RBFOX1: variants seen among roughly 807,000 people sequenced by gnomAD.
RBFOX1 encodes the protein RNA binding protein fox-1 homolog 1.
Under a neutral mutation model 57.7 loss-of-function variants are expected in RBFOX1, and 8 were observed. The ratio of observed to expected loss-of-function variants is 0.14; its 90% CI spans 0.08 to 0.25. The LOEUF (loss-of-function observed/expected upper bound fraction) is 0.25. Among genes scored for constraint, RBFOX1 ranks in the 10% least tolerant of loss-of-function variants. RBFOX1 has a pLI of 1.00. For synonymous variants in RBFOX1, 326 were observed against 222.4 expected (o/e 1.47, Z -4.15); for missense variants, 611 against 548.5 (o/e 1.11, Z -1.14).
intron 2 of RBFOX1, among the ~76,000 whole-genome samples, chr16:5,585,365 T>C (rs1239533024): frequency 1.3e-5 from 2 of 152,194 alleles, no homozygotes; most frequent in Non-Finnish European, 2.9e-5. Context: ...CTGAATAATA[T>C]TCTGTTGTAT....
At chr16:7,695,741 CATTT>C (rs570757693) in intron 14 of RBFOX1, among the ~76,000 whole-genome samples, 230 of 149,612 alleles carry the variant, frequency 1.5e-3, no homozygotes, top group African/African-American at 4.8e-3. Context: ...CTTATAAAAA[CATTT>C]ATTAGAGCAG....
At chr16:7,374,374 A>G (rs1428575963) in intron 4 of RBFOX1, among the ~76,000 whole-genome samples, 3 of 152,244 alleles carry the variant, frequency 2.0e-5, no homozygotes, top group Non-Finnish European at 4.4e-5. Flanking sequence ...TCCCTACAGC[A>G]TTCCCCTCAA....
intron 3 of RBFOX1, among the ~76,000 whole-genome samples, chr16:6,668,670 T>G (rs536798814): frequency 6.6e-6 from 1 of 152,336 alleles, no homozygotes; most frequent in South Asian, 2.1e-4. Context: ...TTTTGATGCC[T>G]TAATTTTAAA....
intron 1 of RBFOX1, among the ~76,000 whole-genome samples, chr16:6,188,696 G>A (rs1249863451): frequency 6.6e-6 from 1 of 152,098 alleles, no homozygotes; most frequent in Non-Finnish European, 1.5e-5. Context: ...GAAGTAATGA[G>A]ACTACACTGA....
chr16:6,697,360 G>T (rs75711713), intron 3 of RBFOX1, among the ~76,000 whole-genome samples: 1,738 of 152,212 alleles, frequency 0.011, 49 homozygotes, highest in East Asian at 0.079. Flanking sequence ...ACCAGCCAGG[G>T]ATCCTTTGGG....
chr16:5,517,173 G>A (rs2043823561), intron 2 of RBFOX1, among the ~76,000 whole-genome samples: 1 of 152,112 alleles, frequency 6.6e-6, no homozygotes, highest in African/African-American at 2.4e-5. Context: ...AACTCCATTA[G>A]GCTAGCTCAA....
intron 1 of RBFOX1, among the ~76,000 whole-genome samples, chr16:5,450,282 T>C (rs141754984): frequency 1.2e-4 from 19 of 152,272 alleles, no homozygotes; most frequent in African/African-American, 3.6e-4. Flanking sequence ...AGGGGGCAAG[T>C]CTGAGGCTCT....
At chr16:7,404,648 G>A (rs1268994978) in intron 4 of RBFOX1, among the ~76,000 whole-genome samples, 1 of 152,182 alleles carries the variant, frequency 6.6e-6, no homozygotes, top group Non-Finnish European at 1.5e-5. Flanking sequence ...ATGCTGTGCT[G>A]CCAGCGTTGG....
rs191750746 is a variant in RBFOX1, at chr16:7,239,936, C to A, written c.27+187838C>A. Among the ~76,000 whole-genome samples, 501 of 152,232 alleles carry A rather than the reference C, an allele frequency of 3.3e-3. 4 individuals carry two copies. Among genetic ancestry groups the A allele is most frequent in the African/African-American group, 0.011 (476 of 41,548 alleles). On this transcript the variant is annotated intron_variant, in intron 4 of 15. Coordinates refer to ENST00000550418, the MANE Select transcript of RBFOX1 (RefSeq NM_018723.4). Reference sequence around the variant, plus strand: ...TTAGTATTTCAATTGTAATCAAATTCCAAAACTTCCTACCTGTTGAAACTA... The same window carrying A: ...TTAGTATTTCAATTGTAATCAAATTACAAAACTTCCTACCTGTTGAAACTA...
chr16:5,537,620 G>T (rs1027506686), intron 2 of RBFOX1, among the ~76,000 whole-genome samples: 1 of 152,140 alleles, frequency 6.6e-6, no homozygotes, highest in African/African-American at 2.4e-5. Context: ...ACTGAAGGTT[G>T]TTCCCAGCCT....
chr16:6,267,696 C>T (rs1427545133), intron 1 of RBFOX1, among the ~76,000 whole-genome samples: 2 of 152,130 alleles, frequency 1.3e-5, no homozygotes, highest in Admixed American at 6.5e-5. Context: ...ACAATCAAAA[C>T]TTCTGTTTTT....
chr16:5,320,924 G>C (rs771426803), intron 1 of RBFOX1, among the ~76,000 whole-genome samples: 11 of 152,160 alleles, frequency 7.2e-5, no homozygotes, highest in Non-Finnish European at 1.6e-4. Context: ...CCTGCCTCTG[G>C]CTGACCCTGG....
chr16:5,484,079 G>A (rs901874960), intron 2 of RBFOX1, among the ~76,000 whole-genome samples: 3 of 152,254 alleles, frequency 2.0e-5, no homozygotes, highest in Admixed American at 6.5e-5. Context: ...GCTGAGGTTG[G>A]AGGATTGCTT....
chr16:6,551,153 T>A (rs903921236), intron 2 of RBFOX1, among the ~76,000 whole-genome samples: 11 of 149,292 alleles, frequency 7.4e-5, no homozygotes, highest in African/African-American at 2.4e-4. Context: ...GCAAAGGGCT[T>A]CCCTGTATGT....
At chr16:7,161,962 A>C (rs767130529) in intron 4 of RBFOX1, among the ~76,000 whole-genome samples, 39 of 152,318 alleles carry the variant, frequency 2.6e-4, no homozygotes, top group Admixed American at 8.5e-4. Context: ...CCAGGCAATG[A>C]ACCACTAAAA....
At chr16:7,516,135 A>C (rs745457354) in intron 4 of RBFOX1, among the ~76,000 whole-genome samples, 1 of 152,142 alleles carries the variant, frequency 6.6e-6, no homozygotes, top group Non-Finnish European at 1.5e-5. Context: ...ATGAGGCAAC[A>C]TGCCCACCCT....
At chr16:5,499,517 C>T (rs976026475) in intron 2 of RBFOX1, among the ~76,000 whole-genome samples, 2 of 152,140 alleles carry the variant, frequency 1.3e-5, no homozygotes, top group Non-Finnish European at 2.9e-5. Flanking sequence ...ACCAAATCCA[C>T]ACCATTATAA....
At chr16:7,600,460 C>A (rs986972320) in intron 9 of RBFOX1, among the ~76,000 whole-genome samples, 5 of 152,030 alleles carry the variant, frequency 3.3e-5, no homozygotes, top group Admixed American at 3.3e-4. Context: ...AATATAGGGC[C>A]CTTTCATATC....
At chr16:7,405,505 G>C (rs2098325725) in intron 4 of RBFOX1, among the ~76,000 whole-genome samples, 1 of 152,192 alleles carries the variant, frequency 6.6e-6, no homozygotes, top group African/African-American at 2.4e-5. Flanking sequence ...AATTAAATGA[G>C]TTATGCTGAC....
Sources: gnomAD v4.1 joint callset for allele counts (sites outside exome capture counted in the v4.1 genomes callset) on GRCh38, gnomAD v4.1.1 for gene constraint, MANE v1.5 for transcripts, NCBI Gene and HGNC (gene_info 2026-07-23, HGNC 2026-07-21) for gene names.